KL: variants seen among roughly 807,000 people sequenced by gnomAD.
KL encodes alpha-klotho.
KL carries 62 observed loss-of-function variants against 84.2 expected under a neutral mutation model. The observed-to-expected ratio is 0.74, with a 90% CI of 0.60 to 0.91. The LOEUF is 0.91. KL is among the 40% of genes least tolerant of loss of function. The pLI, the probability that KL is intolerant of heterozygous loss-of-function variation, is 0.00. For missense variants in KL, 1,261 were observed against 1,305.7 expected (o/e 0.97, Z 0.53); for synonymous variants, 528 against 528.0 (o/e 1.00, Z 0.00).
rs147950847 is a variant in KL at position 33,031,100 on chromosome 13, G to A, written c.819+13841G>A. Reference sequence around the variant, plus strand: ...AAGAACATGAGCTTTTAACTTTAAAGAGCCGACTGAGTTCCTAGCTCAATG... The same window carrying A: ...AAGAACATGAGCTTTTAACTTTAAAAAGCCGACTGAGTTCCTAGCTCAATG... On this transcript the variant is annotated intron_variant, in intron 1 of 4. Transcript: ENST00000380099. Among the ~76,000 whole-genome samples the A allele has an allele frequency of 4.1e-3, 619 of 152,310 alleles. 6 individuals are homozygous for A. Among genetic ancestry groups the A allele is most frequent in the African/African-American group, 0.014 (572 of 41,572 alleles).
chr13:33,037,571 G>A (rs1031048799), intron 1 of KL, among the ~76,000 whole-genome samples: 1 of 152,100 alleles, frequency 6.6e-6, no homozygotes. Flanking sequence ...TAACTTTGCA[G>A]TGTCCTCTAC....
At position 33,065,952 on chromosome 13, in the gene KL, T is replaced by G. The variant is rs568662502; in HGVS notation, c.*1766T>G. 564 of 176,954 alleles carry G rather than the reference T, an allele frequency of 3.2e-3. 4 individuals carry two copies. The highest frequency in any genetic ancestry group is 0.013 in the African/African-American group (550 of 42,378). The allele number at this position is 176,954 out of a possible 1,614,324, so 11.0% of individuals were successfully genotyped here. Reference sequence around the variant, plus strand: ...GTTGTTGAGTATTCCACCACAGGAATGTATCACAACTTAACCGTTCCCGTT... The same window carrying G: ...GTTGTTGAGTATTCCACCACAGGAAGGTATCACAACTTAACCGTTCCCGTT... On this transcript the variant is annotated 3_prime_UTR_variant, in exon 5 of 5. Transcript: ENST00000380099.
At position 33,055,039 on chromosome 13, in the gene KL, C is replaced by T; in HGVS notation, c.1331-8C>T. On this transcript the variant is annotated splice_region_variant and splice_polypyrimidine_tract_variant and intron_variant, in intron 2 of 4. Coordinates refer to ENST00000380099, the MANE Select transcript of KL (RefSeq NM_004795.4). The stretch of plus-strand genomic sequence containing the variant: ...TCATGTTGCTCTTGTCCCCTCTTCC[C>T]TTTGCAGCCATCAAGCTGGATGGGG... The T allele has an allele frequency of 1.2e-6, 2 of 1,614,144 alleles. No individual in the cohort carries two copies. Among genetic ancestry groups the T allele is most frequent in the South Asian group, 1.1e-5 (1 of 91,070 alleles).
chr13:33,056,662 C>T (rs1357579898), intron 3 of KL, among the ~76,000 whole-genome samples: 3 of 149,574 alleles, frequency 2.0e-5, no homozygotes, highest in South Asian at 2.1e-4. Flanking sequence ...AAAAATTATC[C>T]GGGTGTGGTG....
intron 3 of KL, among the ~76,000 whole-genome samples, chr13:33,056,113 G>A (rs182592893): frequency 1.1e-4 from 16 of 152,296 alleles, no homozygotes; most frequent in East Asian, 1.9e-4. Flanking sequence ...TCTACTGAGC[G>A]AAAACAATGT....
At chr13:33,032,225 C>A (rs1257038080) in intron 1 of KL, among the ~76,000 whole-genome samples, 1 of 152,218 alleles carries the variant, frequency 6.6e-6, no homozygotes, top group Non-Finnish European at 1.5e-5. Context: ...ATCATTACAT[C>A]ATTACAAAAA....
intron 2 of KL, 88 bp from the exon 3 acceptor site, chr13:33,054,959 T>G (rs559442255): frequency 6.5e-7 from 1 of 1,538,066 alleles, no homozygotes; most frequent in East Asian, 2.2e-5. Flanking sequence ...TTTATTTATT[T>G]AAGTAGGAAA....
chr13:33,053,891 A>G lies in KL; in HGVS notation c.944A>G (p.Glu315Gly), dbSNP rs759972130. The G allele has an allele frequency of 3.0e-5, 49 of 1,614,092 alleles. No homozygotes were observed. Among genetic ancestry groups the G allele is most frequent in the Non-Finnish European group, 2.7e-5 (32 of 1,180,038 alleles). The change falls in exon 2 of 5, where the codon GAA becomes GGA. Residue 315 changes from glutamate to glycine, a missense_variant. Glu to Gly is a moderately conservative substitution (Grantham distance 98). Transcript: ENST00000380099. Reference sequence around the variant, plus strand: ...AGAATGACCGACCACAGCATCAAAGAATGTCAAAAATCTCTGGACTTTGTA... The same window carrying G: ...AGAATGACCGACCACAGCATCAAAGGATGTCAAAAATCTCTGGACTTTGTA... ...PRRMTDHSIK[E>G]CQKSLDFVLG...
In KL at chr13:33,061,692, A is replaced by G; in HGVS notation, c.2613A>G (p.Ile871Met). The G allele has an allele frequency of 3.1e-6, 5 of 1,614,028 alleles. No homozygotes were observed. The highest frequency in any genetic ancestry group is 4.2e-6 in the Non-Finnish European group (5 of 1,179,912). The change falls in exon 4 of 5, where the codon ATA becomes ATG. Residue 871 changes from isoleucine to methionine, a missense_variant. Transcript: ENST00000380099. ...FKYGDLPMYIISNGIDDGLHA... is the reference protein window; with the variant it reads ...FKYGDLPMYIMSNGIDDGLHA... The stretch of plus-strand genomic sequence containing the variant: ...ACGGAGACCTCCCCATGTACATAAT[A>G]TCCAATGGAATCGATGACGGGCTGC...
chr13:33,051,945 G>A (rs555752284), intron 1 of KL, among the ~76,000 whole-genome samples: 1 of 152,150 alleles, frequency 6.6e-6, no homozygotes, highest in East Asian at 1.9e-4. Context: ...TTTAACTGTT[G>A]TGTTTATTTG....
intron 1 of KL, among the ~76,000 whole-genome samples, chr13:33,037,602 A>ATCCTTTGACTCTGGCCTTCTTC (rs1871186233): frequency 1.3e-5 from 2 of 152,110 alleles, no homozygotes; most frequent in Non-Finnish European, 2.9e-5. Context: ...CATTCAGCTT[A>ATCCTTTGACTCTGGCCTTCTTC]TCCTTTGACT....
At chr13:33,043,463 G>A (rs1485314807) in intron 1 of KL, among the ~76,000 whole-genome samples, 9 of 151,904 alleles carry the variant, frequency 5.9e-5, no homozygotes, top group African/African-American at 1.7e-4. Flanking sequence ...CAAGTGATTC[G>A]CCCGCCTCAG....
intron 3 of KL, among the ~76,000 whole-genome samples, chr13:33,056,108 T>C (rs1323060884): frequency 6.6e-6 from 1 of 152,178 alleles, no homozygotes; most frequent in Non-Finnish European, 1.5e-5. Context: ...AGGAGTCTAC[T>C]GAGCGAAAAC....
At chr13:33,031,385 C>T (rs572903731) in intron 1 of KL, among the ~76,000 whole-genome samples, 3 of 152,088 alleles carry the variant, frequency 2.0e-5, no homozygotes, top group Non-Finnish European at 4.4e-5. Context: ...AAAGTAGACT[C>T]AACAGAATAG....
chr13:33,030,033 T>C (rs1232924205), intron 1 of KL, among the ~76,000 whole-genome samples: 1 of 152,048 alleles, frequency 6.6e-6, no homozygotes, highest in Non-Finnish European at 1.5e-5. Flanking sequence ...TTCTTGCTGC[T>C]TTCTCCCATG....
intron 4 of KL, 89 bp from the exon 5 acceptor site, chr13:33,063,758 CAG>C (rs1352995880): frequency 4.3e-6 from 5 of 1,151,864 alleles, no homozygotes; most frequent in Non-Finnish European, 6.5e-6. Context: ...GCCTGTGTGA[CAG>C]AGCAAGACTC....
chr13:33,031,536 G>A (rs953532670), intron 1 of KL, among the ~76,000 whole-genome samples: 3 of 152,112 alleles, frequency 2.0e-5, no homozygotes, highest in African/African-American at 7.2e-5. Context: ...ATGTTATAGT[G>A]CCCTATTTGG....
In KL at chr13:33,061,725, G is replaced by A. The variant is rs1872214336; in HGVS notation, c.2646G>A (p.Glu882=). ...SNGIDDGLHA[E]DDQLRVYYMQ... is the part of the protein sequence containing the mutation. Reference sequence around the variant, plus strand: ...GAATCGATGACGGGCTGCATGCTGAGGACGACCAGCTGAGGGTGTATTATA... The same window carrying A: ...GAATCGATGACGGGCTGCATGCTGAAGACGACCAGCTGAGGGTGTATTATA... The change falls in exon 4 of 5, where the codon GAG becomes GAA. Residue 882 remains glutamate, a synonymous_variant. Coordinates refer to ENST00000380099, the MANE Select transcript of KL (RefSeq NM_004795.4). 2 of 1,614,036 alleles carry A rather than the reference G, an allele frequency of 1.2e-6. No individual in the cohort carries two copies. The highest frequency in any genetic ancestry group is 1.7e-6 in the Non-Finnish European group (2 of 1,179,944).
At chr13:33,052,230 AG>A (rs1871782254) in intron 1 of KL, among the ~76,000 whole-genome samples, 1 of 152,188 alleles carries the variant, frequency 6.6e-6, no homozygotes, top group African/African-American at 2.4e-5. Context: ...GGCCTCCCAA[AG>A]TGCTGGGACT....
Sources: allele counts gnomAD v4.1 joint callset (sites outside exome capture counted in the v4.1 genomes callset), GRCh38; gene constraint gnomAD v4.1.1; transcripts MANE v1.5; gene names NCBI Gene and HGNC (gene_info 2026-07-23, HGNC 2026-07-21).